The following HSF2 variants were observed in gnomAD, a reference collection of about 807,000 sequenced individuals.
HSF2 encodes heat shock transcription factor 2.
In HSF2, 21 loss-of-function variants were observed where a neutral mutation model predicts 65.0. That is an observed-to-expected ratio of 0.32 (90% CI 0.23 to 0.47). HSF2 has a LOEUF of 0.47. HSF2 is among the 20% of genes least tolerant of loss of function. HSF2 has a pLI of 1.00. For missense variants in HSF2, 499 were observed against 628.1 expected (o/e 0.79, Z 2.20); for synonymous variants, 225 against 219.1 (o/e 1.03, Z -0.24).
At chr6:122,405,252 C>G (rs550964017) in intron 1 of HSF2, among the ~76,000 whole-genome samples, 183 of 139,220 alleles carry the variant, frequency 1.3e-3, no homozygotes, top group Middle Eastern at 7.5e-3. Context: ...AGACCCCTGT[C>G]TCTTAAAAAA....
rs1331689825 is a variant in HSF2 at position 122,427,971 on chromosome 6, A to C, written c.1230+15A>C. On this transcript the variant is annotated intron_variant, in intron 11 of 12. Transcript: ENST00000368455. ...ATAATACAAAAGTAAGTTTTAATTC[A>C]TGTTGCTCAGGACCCATAGCTATAA... The C allele has an allele frequency of 6.4e-7, 1 of 1,566,592 alleles. No homozygotes were observed. The highest frequency in any genetic ancestry group is 1.4e-5 in the African/African-American group (1 of 73,590).
Position 122,399,730 on chromosome 6 carries a change from C to T in HSF2, c.-8C>T. The T allele has an allele frequency of 1.2e-6, 2 of 1,608,662 alleles. No homozygotes were observed. Among genetic ancestry groups the T allele is most frequent in the East Asian group, 2.3e-5 (1 of 44,348 alleles). On this transcript the variant is annotated 5_prime_UTR_variant, in exon 1 of 13. Transcript: ENST00000368455. ...TGTAGAATTTGGAATCCCTGCGCCG[C>T]GTTAACAATGAAGCAGAGTTCGAAC...
At chr6:122,430,140 C>A (rs981736086) in intron 11 of HSF2, among the ~76,000 whole-genome samples, 4 of 151,874 alleles carry the variant, frequency 2.6e-5, no homozygotes, top group Admixed American at 6.6e-5. Flanking sequence ...CTGGTCCTGG[C>A]TTTTTTTGGT....
chr6:122,406,493 C>T (rs1773869886), intron 1 of HSF2, among the ~76,000 whole-genome samples: 2 of 151,938 alleles, frequency 1.3e-5, no homozygotes, highest in African/African-American at 4.8e-5. Flanking sequence ...AATGAGGGGA[C>T]CAGTTAGAAG....
chr6:122,425,861 A>G (rs530793715), intron 10 of HSF2, among the ~76,000 whole-genome samples: 1 of 152,228 alleles, frequency 6.6e-6, no homozygotes, highest in Admixed American at 6.6e-5. Context: ...CTGGACTTGA[A>G]TTCTAATTCC....
In HSF2 at chr6:122,420,210, T is replaced by G; in HGVS notation, c.669T>G (p.Asn223Lys). The change falls in exon 7 of 13, where the codon AAT (asparagine) becomes AAG (lysine). Residue 223 changes from asparagine to lysine, a missense_variant. Transcript: ENST00000368455. ...ACATAGTCAAAGAACCAACTGATAA[T>G]CATCATCATAAAGTAATTTTTTAGT... ...FQHIVKEPTD[N>K]HHHKVPHSRT... 2 of 1,597,078 alleles carry G rather than the reference T, an allele frequency of 1.3e-6. No individual in the cohort carries two copies. The highest frequency in any genetic ancestry group is 1.7e-6 in the Non-Finnish European group (2 of 1,166,650).
At chr6:122,412,006 T>C (rs1318044978) in intron 1 of HSF2, among the ~76,000 whole-genome samples, 5 of 151,948 alleles carry the variant, frequency 3.3e-5, no homozygotes, top group Non-Finnish European at 7.4e-5. Context: ...TCAAAATCTT[T>C]TTTTTTTATT....
intron 1 of HSF2, among the ~76,000 whole-genome samples, chr6:122,409,743 AG>A (rs1317557489): frequency 6.6e-6 from 1 of 151,936 alleles, no homozygotes; most frequent in Admixed American, 6.6e-5. Flanking sequence ...AAGAAAGTAG[AG>A]GAGAGTAGAG....
At position 122,412,667 on chromosome 6, in the gene HSF2, C is replaced by T. The variant is rs750931926; in HGVS notation, c.233C>T (p.Ser78Phe). The stretch of plus-strand genomic sequence containing the variant: ...TTCCGTAAAGTAGTACATATCGACT[C>T]TGGAATTGTAAAGCAAGAAAGAGAT... The part of the protein sequence containing the change: ...YGFRKVVHID[S>F]GIVKQERDGP... The change falls in exon 3 of 13, where the codon TCT (serine) becomes TTT (phenylalanine). Residue 78 changes from serine (S) to phenylalanine (F), a missense_variant. Coordinates refer to ENST00000368455, the MANE Select transcript of HSF2 (RefSeq NM_004506.4). 4 of 1,612,232 alleles carry T rather than the reference C, an allele frequency of 2.5e-6. No individual in the cohort carries two copies. Among genetic ancestry groups the T allele is most frequent in the Non-Finnish European group, 3.4e-6 (4 of 1,178,534 alleles).
At chr6:122,414,898 C>G (rs1285165063) in intron 4 of HSF2, among the ~76,000 whole-genome samples, 2 of 152,008 alleles carry the variant, frequency 1.3e-5, no homozygotes, top group African/African-American at 4.8e-5. Flanking sequence ...ATTACAGGCA[C>G]GAGCCACCGC....
chr6:122,419,549 G>A (rs1774191404), intron 6 of HSF2, among the ~76,000 whole-genome samples: 1 of 151,852 alleles, frequency 6.6e-6, no homozygotes, highest in Non-Finnish European at 1.5e-5. Flanking sequence ...TTAAAAAGAG[G>A]CCATATGTTA....
At chr6:122,430,672 A>G (rs1051851014) in intron 11 of HSF2, among the ~76,000 whole-genome samples, 5 of 152,172 alleles carry the variant, frequency 3.3e-5, no homozygotes, top group African/African-American at 1.2e-4. Flanking sequence ...TGGTTACACC[A>G]TATATATTTA....
intron 1 of HSF2, among the ~76,000 whole-genome samples, chr6:122,408,335 T>TA (rs368804491): frequency 0.1 from 13,357 of 132,872 alleles, 647 homozygotes; most frequent in South Asian, 0.16. Context: ...TCAAGTTCCA[T>TA]AAAAAAAAAA....
At position 122,417,914 on chromosome 6, in the gene HSF2, G is replaced by A. The variant is rs1335851992; in HGVS notation, c.532-1254G>A. Among the ~76,000 whole-genome samples the A allele has an allele frequency of 3.3e-5, 5 of 152,142 alleles. No homozygotes were observed. In the East Asian group the frequency reaches 9.7e-4, roughly 29 times the overall value. ...CATTTTCTCTTGAATAAGCAATTTA[G>A]TGTCTACCCTCCTTTTCATAGACTC... On this transcript the variant is annotated intron_variant, in intron 5 of 12. Coordinates refer to ENST00000368455, the MANE Select transcript of HSF2 (RefSeq NM_004506.4).
chr6:122,420,311 T>G, intron 7 of HSF2, 89 bp downstream of exon 7: 2 of 923,416 alleles, frequency 2.2e-6, no homozygotes, highest in Non-Finnish European at 3.2e-6. Context: ...AGAAGTGTGG[T>G]GAATAACAAT....
At chr6:122,404,659 G>A (rs1773823127) in intron 1 of HSF2, among the ~76,000 whole-genome samples, 1 of 152,154 alleles carries the variant, frequency 6.6e-6, no homozygotes. Context: ...TTGTGGGTAA[G>A]GTTTAAGGAG....
At chr6:122,416,523 T>C in intron 5 of HSF2, among the ~76,000 whole-genome samples, 1 of 152,266 alleles carries the variant, frequency 6.6e-6, no homozygotes, top group Non-Finnish European at 1.5e-5. Flanking sequence ...AGATAATGTC[T>C]CAGTAGCTTT....
intron 1 of HSF2, among the ~76,000 whole-genome samples, chr6:122,404,606 G>A (rs1375105034): frequency 2.0e-5 from 3 of 152,128 alleles, no homozygotes; most frequent in African/African-American, 4.8e-5. Context: ...AAATTAATTT[G>A]GAGAGTAACG....
chr6:122,432,129 C>G lies in HSF2; in HGVS notation c.1520C>G (p.Thr507Ser). ...QSKLVRLEPL[T>S]EAEASEATLF... ...AAGCTTGTTCGCCTGGAGCCATTGACTGAAGCTGAAGCTAGTGAAGCTACA... is the reference window on the plus strand; with the variant it reads ...AAGCTTGTTCGCCTGGAGCCATTGAGTGAAGCTGAAGCTAGTGAAGCTACA... Residue 507 changes from threonine (T) to serine (S), a missense_variant, in exon 13 of 13, where the codon ACT becomes AGT. Around this residue, in one of 2 missense-constraint regions of HSF2, gnomAD observed 349 missense variants for 393.5 expected, o/e 0.89. Coordinates refer to ENST00000368455, the MANE Select transcript of HSF2 (RefSeq NM_004506.4). The G allele has an allele frequency of 6.2e-7, 1 of 1,614,146 alleles. No homozygotes were observed. Among genetic ancestry groups the G allele is most frequent in the South Asian group, 1.1e-5 (1 of 91,080 alleles).
Sources: gnomAD v4.1 joint callset for allele counts (sites outside exome capture counted in the v4.1 genomes callset) on GRCh38, gnomAD v4.1.1 for gene constraint, gnomAD v4.1.1 regional missense constraint, MANE v1.5 for transcripts, NCBI Gene and HGNC (gene_info 2026-07-23, HGNC 2026-07-21) for gene names.